Variants in PAPPA observed in about 807,000 individuals in gnomAD.
PAPPA encodes the protein pappalysin 1.
A neutral mutation model predicts 164.0 loss-of-function variants in PAPPA; 60 were observed. The observed-to-expected ratio is 0.37, with a 90% CI of 0.30 to 0.45. The LOEUF (loss-of-function observed/expected upper bound fraction) is 0.45, where lower values mean the gene tolerates loss of function less well. Ranked by LOEUF, PAPPA falls within the 20% of genes least tolerant of loss-of-function variation. PAPPA has a pLI of 1.00. For missense variants in PAPPA, 1,782 were observed against 2,087.3 expected (o/e 0.85, Z 2.85); for synonymous variants, 875 against 814.1 (o/e 1.07, Z -1.27).
At chr9:116,198,917 G>GT (rs143933478) in intron 2 of PAPPA, among the ~76,000 whole-genome samples, 22 of 150,930 alleles carry the variant, frequency 1.5e-4, no homozygotes, top group East Asian at 3.9e-4. Context: ...ATGGTGGAGT[G>GT]TTTTTTTTTC....
intron 2 of PAPPA, among the ~76,000 whole-genome samples, chr9:116,194,858 A>G (rs541409568): frequency 2.0e-5 from 3 of 152,364 alleles, no homozygotes; most frequent in African/African-American, 4.8e-5. Flanking sequence ...TGAAACTGCC[A>G]TATACAAATT....
intron 13 of PAPPA, among the ~76,000 whole-genome samples, chr9:116,336,818 G>C (rs2118960440): frequency 6.6e-6 from 1 of 152,246 alleles, no homozygotes; most frequent in Middle Eastern, 3.4e-3. Context: ...AAATGATGAT[G>C]GTGGATTGTG....
At chr9:116,234,837 T>A (rs193081840) in intron 6 of PAPPA, among the ~76,000 whole-genome samples, 4 of 152,318 alleles carry the variant, frequency 2.6e-5, no homozygotes, top group Admixed American at 2.6e-4. Context: ...TCTTTTCATC[T>A]TAGGCAGCAC....
At chr9:116,360,972 T>G (rs1339541472) in intron 17 of PAPPA, among the ~76,000 whole-genome samples, 1 of 152,118 alleles carries the variant, frequency 6.6e-6, no homozygotes, top group East Asian at 1.9e-4. Context: ...AGATAAGGTA[T>G]TTGCAAGGTA....
At chr9:116,179,000 G>A (rs993417695) in intron 1 of PAPPA, among the ~76,000 whole-genome samples, 5 of 152,194 alleles carry the variant, frequency 3.3e-5, no homozygotes, top group African/African-American at 1.2e-4. Context: ...TAAAACTTAT[G>A]GGTTTCAGGA....
At chr9:116,370,985 G>C (rs1846565094) in intron 19 of PAPPA, among the ~76,000 whole-genome samples, 1 of 152,164 alleles carries the variant, frequency 6.6e-6, no homozygotes, top group South Asian at 2.1e-4. Flanking sequence ...AGCAAATCCT[G>C]TCACTTCTCT....
At chr9:116,324,501 T>A (rs536832598) in intron 10 of PAPPA, among the ~76,000 whole-genome samples, 1 of 152,266 alleles carries the variant, frequency 6.6e-6, no homozygotes, top group East Asian at 1.9e-4. Context: ...TATTTGAGGA[T>A]AAATAAAACA....
intron 10 of PAPPA, among the ~76,000 whole-genome samples, chr9:116,309,995 C>T (rs183882711): frequency 8.5e-5 from 13 of 152,334 alleles, no homozygotes; most frequent in African/African-American, 1.7e-4. Flanking sequence ...AATCACCCCA[C>T]CCATGGTACT....
intron 1 of PAPPA, among the ~76,000 whole-genome samples, chr9:116,172,375 C>T (rs1843784496): frequency 6.6e-6 from 1 of 152,196 alleles, no homozygotes; most frequent in Admixed American, 6.5e-5. Context: ...ACCAGGGATG[C>T]TAAACCTCAC....
intron 7 of PAPPA, among the ~76,000 whole-genome samples, chr9:116,243,572 G>T (rs1338691641): frequency 1.3e-5 from 2 of 152,134 alleles, no homozygotes; most frequent in East Asian, 3.9e-4. Flanking sequence ...CAAAGGGTGT[G>T]CCTGGCAAGA....
intron 20 of PAPPA, among the ~76,000 whole-genome samples, chr9:116,380,303 TGGATGGATGGAC>T (rs924428033): frequency 1.3e-5 from 2 of 151,922 alleles, no homozygotes; most frequent in African/African-American, 2.4e-5. Flanking sequence ...AATGGATGGA[TGGATGGATGGAC>T]GGATGGATGG....
chr9:116,214,070 G>A (rs888350694), intron 4 of PAPPA, among the ~76,000 whole-genome samples: 5 of 152,162 alleles, frequency 3.3e-5, no homozygotes, highest in African/African-American at 1.2e-4. Flanking sequence ...GTGCAGCACT[G>A]CCAACAGAAC....
intron 9 of PAPPA, among the ~76,000 whole-genome samples, chr9:116,288,130 G>A (rs1419313900): frequency 6.6e-6 from 1 of 152,116 alleles, no homozygotes; most frequent in African/African-American, 2.4e-5. Context: ...CAGCACTCTG[G>A]GAGGCTGAAA....
intron 9 of PAPPA, chr9:116,287,126 A>C (rs1388590700): frequency 6.6e-6 from 1 of 152,208 alleles, no homozygotes; most frequent in Non-Finnish European, 1.5e-5. Context: ...TGAAACCTCA[A>C]TTTCATTGTC....
chr9:116,176,749 A>G (rs1287337121), intron 1 of PAPPA, among the ~76,000 whole-genome samples: 6 of 152,214 alleles, frequency 3.9e-5, no homozygotes, highest in Admixed American at 3.9e-4. Flanking sequence ...TATGCTAGGC[A>G]ATATGTGATA....
intron 2 of PAPPA, among the ~76,000 whole-genome samples, chr9:116,188,431 T>G (rs1012595382): frequency 6.6e-6 from 1 of 151,954 alleles, no homozygotes; most frequent in Non-Finnish European, 1.5e-5. Flanking sequence ...CTACCATGAG[T>G]CATGAGGGAA....
At chr9:116,211,970 T>G (rs1844313877) in intron 4 of PAPPA, 38 bp downstream of exon 4, 1 of 1,572,474 alleles carries the variant, frequency 6.4e-7, no homozygotes, top group African/African-American at 1.4e-5. Flanking sequence ...CAGGTCTGGA[T>G]GTCAGATGTG....
chr9:116,200,831 G>A (rs1844164042), intron 2 of PAPPA, among the ~76,000 whole-genome samples: 2 of 152,002 alleles, frequency 1.3e-5, no homozygotes, highest in Non-Finnish European at 2.9e-5. Context: ...AATTAGAAAG[G>A]AAGAAAGGAA....
intron 6 of PAPPA, among the ~76,000 whole-genome samples, chr9:116,229,334 G>T (rs984937586): frequency 7.2e-5 from 11 of 152,190 alleles, no homozygotes; most frequent in Admixed American, 1.3e-4. Context: ...GACATCATTT[G>T]CTTTTTCCAC....
Sources: allele counts gnomAD v4.1 joint callset (sites outside exome capture counted in the v4.1 genomes callset), GRCh38; gene constraint gnomAD v4.1.1; transcripts MANE v1.5; gene names NCBI Gene and HGNC (gene_info 2026-07-23, HGNC 2026-07-21).